The following BTNL9 variants were observed in gnomAD, a reference collection of about 807,000 sequenced individuals.
The protein encoded by BTNL9 is butyrophilin-like protein 9.
Under a neutral mutation model 45.8 loss-of-function variants are expected in BTNL9, and 45 were observed. That is an observed-to-expected ratio of 0.98 (90% CI 0.77 to 1.26). BTNL9 has a LOEUF of 1.26. BTNL9 is among the 50% of genes most tolerant of loss of function. The probability of loss-of-function intolerance (pLI) is 0.00; values close to 1 mark genes in which losing one functional copy is unlikely to be tolerated. For synonymous variants in BTNL9, 346 were observed against 330.8 expected (o/e 1.05, Z -0.50); for missense variants, 784 against 729.7 (o/e 1.07, Z -0.86).
rs117083842 is a variant in BTNL9 at position 181,043,301 on chromosome 5, T to G, written c.-23-2166T>G. The G allele has an allele frequency of 1.0e-3, 156 of 152,442 alleles. 1 individual carries two copies. In the East Asian group the frequency reaches 0.025, roughly 24 times the overall value. The allele number at this position is 152,442 out of a possible 1,614,324, so 9.4% of individuals were successfully genotyped here. Reference sequence around the variant, plus strand: ...GTGCATGTGTGTGTGTCTGTGTGTGTGTGTGTGTGTCTACAATCCTCCTCC... The same window carrying G: ...GTGCATGTGTGTGTGTCTGTGTGTGGGTGTGTGTGTCTACAATCCTCCTCC... On this transcript the variant is annotated intron_variant, in intron 1 of 10. Coordinates refer to ENST00000327705, the MANE Select transcript of BTNL9 (RefSeq NM_152547.5).
chr5:181,045,964 C>G (rs1761110287), intron 2 of BTNL9, among the ~76,000 whole-genome samples: 2 of 66,182 alleles, frequency 3.0e-5, no homozygotes, highest in African/African-American at 1.2e-4. Flanking sequence ...ACCTCCTCCA[C>G]CATCTCCCCA....
At chr5:181,048,303 A>ATCCT in intron 3 of BTNL9, 32 bp downstream of exon 3, 1 of 1,546,952 alleles carries the variant, frequency 6.5e-7, no homozygotes. Flanking sequence ...CCTGCAGAGG[A>ATCCT]GAGGGAGATC....
chr5:181,055,890 TG>T lies in BTNL9; in HGVS notation c.929-93del. The T allele has an allele frequency of 4.3e-6, 6 of 1,396,046 alleles. No homozygotes were observed. Among genetic ancestry groups the T allele is most frequent in the Non-Finnish European group, 6.1e-6 (6 of 981,434 alleles). 86.5% of individuals were successfully genotyped at this position (1,396,046 alleles called of 1,614,324 possible). A position where few individuals can be genotyped will look rare whatever the true frequency, so the allele number is the denominator to read the frequency against. On this transcript the variant is annotated intron_variant, in intron 8 of 10. Transcript: ENST00000327705. The surrounding 1 kb of genome is among the most constrained non-coding windows in gnomAD (Gnocchi z 4.4). Reference sequence around the variant, plus strand: ...GGACCCCTGCTGGCTATGTGGGTGGTGGGGGGTGCGGGACAGGGTGGGTGCA... The same window carrying T: ...GGACCCCTGCTGGCTATGTGGGTGGTGGGGGTGCGGGACAGGGTGGGTGCA...
At position 181,042,536 on chromosome 5, in the gene BTNL9, C is replaced by T. The variant is rs536722844; in HGVS notation, c.-24+2104C>T. ...GAAAGGGCGGACGCACAGCAGCAAA[C>T]GGGGAGGAGGGTGCTGTCCAGGAGC... On this transcript the variant is annotated intron_variant, in intron 1 of 10. Transcript: ENST00000327705. This position sits in a 1 kb window ranked among gnomAD's most constrained non-coding sequence, Gnocchi z 4.5. Among the ~76,000 whole-genome samples, 216 of 152,232 alleles carry T rather than the reference C, an allele frequency of 1.4e-3. No homozygotes were observed. The highest frequency in any genetic ancestry group is 4.5e-3 in the African/African-American group (187 of 41,544).
At position 181,048,231 on chromosome 5, in the gene BTNL9, C is replaced by T. The variant is rs778721426; in HGVS notation, c.414C>T (p.Asp138=). ...KGTYGCRFHS[D]NFSGEALWEL... ...CATATGGCTGCCGCTTCCACTCCGA[C>T]AACTTCTCTGGCGAAGCTCTCTGGG... The change falls in exon 3 of 11, where the codon GAC becomes GAT. Residue 138 remains aspartate (D), a synonymous_variant. Transcript: ENST00000327705. 7 of 1,612,370 alleles carry T rather than the reference C, an allele frequency of 4.3e-6. No homozygotes were observed. The highest frequency in any genetic ancestry group is 2.7e-5 in the African/African-American group (2 of 74,924).
At chr5:181,054,325 G>T in intron 7 of BTNL9, 66 bp downstream of exon 7, 1 of 1,596,024 alleles carries the variant, frequency 6.3e-7, no homozygotes, top group Non-Finnish European at 8.5e-7. Flanking sequence ...GCAGTGGGAG[G>T]AGGGGCTCCC....
In BTNL9 at chr5:181,055,015, G is replaced by T. The variant is rs1761802034; in HGVS notation, c.908-418G>T. 1.0e-6 allele frequency: 1 copy of T among 985,350 alleles called. No individual in the cohort carries two copies. The highest frequency in any genetic ancestry group is 6.1e-5 in the Admixed American group (1 of 16,270). The allele number at this position is 985,350 out of a possible 1,614,324, so 61.0% of individuals were successfully genotyped here. On this transcript the variant is annotated intron_variant, in intron 7 of 10. Coordinates refer to ENST00000327705, the MANE Select transcript of BTNL9 (RefSeq NM_152547.5). This position sits in a 1 kb window ranked among gnomAD's most constrained non-coding sequence, Gnocchi z 4.4. ...GGTAATTATTTGGGGAAATAATTGG[G>T]TGTGATGTCCTTCCAGTCCTTCAGA...
In BTNL9 at chr5:181,050,842, A is replaced by G. The variant is rs1237063406; in HGVS notation, c.736+473A>G. 1.3e-5 allele frequency among the ~76,000 whole-genome samples: 2 copies of G among 152,048 alleles called. No homozygotes were observed. Among genetic ancestry groups the G allele is most frequent in the Non-Finnish European group, 2.9e-5 (2 of 68,002 alleles). The stretch of plus-strand genomic sequence containing the variant: ...AGTGGCTCACGCCTGTAATCCCAGC[A>G]CTTTGGGAGGCCAAGGCGGGTGGAT... On this transcript the variant is annotated intron_variant, in intron 4 of 10. Transcript: ENST00000327705. The surrounding 1 kb of genome is among the most constrained non-coding windows in gnomAD (Gnocchi z 4.9).
At position 181,042,923 on chromosome 5, in the gene BTNL9, G is replaced by A. The variant is rs1760854320; in HGVS notation, c.-24+2491G>A. ...CAGGAGTGACGGAAGGGTGTACCCA[G>A]ACACACGACGTAGCTGGTGAGGAAT... On this transcript the variant is annotated intron_variant, in intron 1 of 10. Coordinates refer to ENST00000327705, the MANE Select transcript of BTNL9 (RefSeq NM_152547.5). The surrounding 1 kb of genome is among the most constrained non-coding windows in gnomAD (Gnocchi z 4.5). Among the ~76,000 whole-genome samples, 1 of 152,024 alleles carries A rather than the reference G, an allele frequency of 6.6e-6. No individual in the cohort carries two copies. Among genetic ancestry groups the A allele is most frequent in the Admixed American group, 6.6e-5 (1 of 15,266 alleles).
At chr5:181,045,376 T>C (rs1761041927) in intron 1 of BTNL9, 91 bp from the exon 2 acceptor site, 6 of 694,904 alleles carry the variant, frequency 8.6e-6, no homozygotes, top group Non-Finnish European at 1.5e-5. Context: ...CAAAAATAAC[T>C]GAGGCCACAA....
rs191939482 is a variant in BTNL9 at position 181,050,960 on chromosome 5, G to T, written c.736+591G>T. On this transcript the variant is annotated intron_variant, in intron 4 of 10. Transcript: ENST00000327705. This position sits in a 1 kb window ranked among gnomAD's most constrained non-coding sequence, Gnocchi z 4.9. The stretch of plus-strand genomic sequence containing the variant: ...AAATTAGCCCGGCATAGTGGCAGGC[G>T]CCTGTAATCCCAGCTACTCGGGAGG... 6.6e-6 allele frequency among the ~76,000 whole-genome samples: 1 copy of T among 151,794 alleles called. No homozygotes were observed. Among genetic ancestry groups the T allele is most frequent in the Non-Finnish European group, 1.5e-5 (1 of 67,958 alleles).
chr5:181,046,519 T>G (rs1582121670), intron 2 of BTNL9, among the ~76,000 whole-genome samples: 1 of 152,158 alleles, frequency 6.6e-6, no homozygotes, highest in Non-Finnish European at 1.5e-5. Flanking sequence ...TGCAAACTAA[T>G]AATTCAAAGG....
rs1176727917 is a variant in BTNL9, at chr5:181,053,785, G to A, written c.886+284G>A. 1.4e-5 allele frequency: 22 copies of A among 1,524,010 alleles called. No individual in the cohort carries two copies. Among genetic ancestry groups the A allele is most frequent in the Non-Finnish European group, 1.8e-5 (20 of 1,138,982 alleles). The allele number at this position is 1,524,010 out of a possible 1,614,324, so 94.4% of individuals were successfully genotyped here. On this transcript the variant is annotated intron_variant, in intron 6 of 10. Transcript: ENST00000327705. This position sits in a 1 kb window ranked among gnomAD's most constrained non-coding sequence, Gnocchi z 6.5. ...TCGGAGCTTCACATCACACTGTACAGAGGGAGCGGTGACCAGGGTCTCTGC... is the reference window on the plus strand; with the variant it reads ...TCGGAGCTTCACATCACACTGTACAAAGGGAGCGGTGACCAGGGTCTCTGC...
At position 181,055,483 on chromosome 5, in the gene BTNL9, C is replaced by T. The variant is rs1761828255; in HGVS notation, c.928+30C>T. 2.5e-6 allele frequency: 4 copies of T among 1,613,628 alleles called. No homozygotes were observed. The highest frequency in any genetic ancestry group is 2.2e-5 in the East Asian group (1 of 44,862). On this transcript the variant is annotated intron_variant, in intron 8 of 10. Transcript: ENST00000327705. This position sits in a 1 kb window ranked among gnomAD's most constrained non-coding sequence, Gnocchi z 4.4. ...GTGACCCCTCTTAGAACTATTTCTC[C>T]TCAGGGCCGGGTCCAGTGGCTCACA...
At chr5:181,047,307 A>G (rs1320828034) in intron 2 of BTNL9, among the ~76,000 whole-genome samples, 4 of 152,216 alleles carry the variant, frequency 2.6e-5, no homozygotes, top group Non-Finnish European at 5.9e-5. Context: ...ATCCCAACAA[A>G]TGAGTCTCAA....
chr5:181,047,379 A>G, intron 2 of BTNL9: 1 of 536,278 alleles, frequency 1.9e-6, no homozygotes, highest in Non-Finnish European at 2.4e-6. Context: ...CTCATGGATG[A>G]TTTTTGATAC....
rs955238750 is a variant in BTNL9 at position 181,061,451 on chromosome 5, T to C, written c.*1589T>C. On this transcript the variant is annotated 3_prime_UTR_variant, in exon 11 of 11. Coordinates refer to ENST00000327705, the MANE Select transcript of BTNL9 (RefSeq NM_152547.5). ...GTAATTGCATTCTTAAAATGTCTTC[T>C]TTGTATTTTTTAATGTTCAATAATG... 3 of 152,252 alleles carry C rather than the reference T, an allele frequency of 2.0e-5. No individual in the cohort carries two copies. The highest frequency in any genetic ancestry group is 4.4e-5 in the Non-Finnish European group (3 of 68,050). 9.4% of individuals were successfully genotyped at this position (152,252 alleles called of 1,614,324 possible).
intron 1 of BTNL9, among the ~76,000 whole-genome samples, chr5:181,045,052 G>C (rs1761019670): frequency 6.6e-6 from 1 of 152,212 alleles, no homozygotes; most frequent in South Asian, 2.1e-4. Flanking sequence ...GTTGGTGGTG[G>C]TGAGGCAGGA....
intron 6 of BTNL9, 96 bp from the exon 7 acceptor site, chr5:181,054,143 G>A: frequency 6.3e-7 from 1 of 1,581,942 alleles, no homozygotes; most frequent in Non-Finnish European, 8.6e-7. Context: ...CATCGGAGGT[G>A]AGGCCTCAGT....
Sources: gnomAD v4.1 joint callset for allele counts (sites outside exome capture counted in the v4.1 genomes callset) on GRCh38, gnomAD v4.1.1 for gene constraint, Gnocchi (gnomAD v3.1) non-coding constraint, MANE v1.5 for transcripts, NCBI Gene and HGNC (gene_info 2026-07-23, HGNC 2026-07-21) for gene names.